RP1: variants seen among roughly 807,000 people sequenced by gnomAD.
The protein encoded by RP1 is RP1 axonemal microtubule associated.
RP1 carries 16 observed loss-of-function variants against 14.8 expected under a neutral mutation model. That is an observed-to-expected ratio of 1.08 (90% CI 0.73 to 1.65). The LOEUF is 1.65. Ranked by LOEUF, RP1 falls within the 40% of genes most tolerant of loss-of-function variation. RP1 has a pLI of 0.00. For synonymous variants in RP1, 876 were observed against 883.6 expected (o/e 0.99, Z 0.15); for missense variants, 2,631 against 2,535.0 (o/e 1.04, Z -0.81).
At chr8:54,739,359 C>T (rs1159274862) in intron 19 of RP1, among the ~76,000 whole-genome samples, 1 of 151,998 alleles carries the variant, frequency 6.6e-6, no homozygotes, top group Non-Finnish European at 1.5e-5. Context: ...GGGTTACTTC[C>T]CAATAAACCC....
chr8:54,797,334 C>A (rs1347912708), intron 24 of RP1, among the ~76,000 whole-genome samples: 2 of 152,042 alleles, frequency 1.3e-5, no homozygotes, highest in South Asian at 2.1e-4. Flanking sequence ...TGATAATAGA[C>A]GTTAAGGTAG....
At position 54,844,600 on chromosome 8, in the gene RP1, G is replaced by A. The variant is rs148645361; in HGVS notation, c.3835+6931G>A. On this transcript the variant is annotated intron_variant, in intron 25 of 28. Transcript: ENST00000637698. ...TAGACATGCTTGCCTCTGTGTGTGC[G>A]TATGTGTGTGCATGTGTAGACATGC... 5.7e-3 allele frequency among the ~76,000 whole-genome samples: 867 copies of A among 152,020 alleles called. 8 individuals carry two copies. Among genetic ancestry groups the A allele is most frequent in the African/African-American group, 0.019 (784 of 41,450 alleles).
intron 24 of RP1, among the ~76,000 whole-genome samples, chr8:54,794,925 G>GAAA (rs1173224944): frequency 2.0e-5 from 3 of 151,912 alleles, no homozygotes; most frequent in Non-Finnish European, 4.4e-5. Context: ...TTAAAAATGG[G>GAAA]AAAAGACCTG....
At chr8:54,838,660 C>CGT (rs1225165054) in intron 25 of RP1, among the ~76,000 whole-genome samples, 2 of 151,810 alleles carry the variant, frequency 1.3e-5, no homozygotes, top group East Asian at 3.9e-4. Flanking sequence ...TATGTGTATA[C>CGT]GTGTGTGTGC....
At chr8:54,769,368 C>T (rs2046717174) in intron 22 of RP1, among the ~76,000 whole-genome samples, 1 of 152,166 alleles carries the variant, frequency 6.6e-6, no homozygotes. Context: ...AGGTACCATG[C>T]TCAAAATCTG....
chr8:54,626,449 T>G lies in RP1; in HGVS notation c.2567T>G (p.Val856Gly). 6.2e-7 allele frequency: 1 copy of G among 1,613,718 alleles called. No individual in the cohort carries two copies. The highest frequency in any genetic ancestry group is 1.1e-5 in the South Asian group (1 of 91,068). Residue 856 changes from valine to glycine, a missense_variant, in exon 4 of 4, where the codon GTT becomes GGT. By Grantham distance (109) the Val-to-Gly change is moderately radical (BLOSUM62 -3). Coordinates refer to ENST00000220676, the MANE Select transcript of RP1 (RefSeq NM_006269.2). The part of the protein sequence containing the change: ...YLRGMAKKSL[V>G]SKVTDSHITL... Reference sequence around the variant, plus strand: ...AGAGGAATGGCAAAGAAGAGTTTAGTTTCAAAAGTTACTGATTCACACATA... The same window carrying G: ...AGAGGAATGGCAAAGAAGAGTTTAGGTTCAAAAGTTACTGATTCACACATA...
intron 25 of RP1, among the ~76,000 whole-genome samples, chr8:54,842,704 C>A (rs1389296739): frequency 6.6e-6 from 1 of 152,212 alleles, no homozygotes; most frequent in East Asian, 1.9e-4. Context: ...CCTTTGCTTA[C>A]AACCCTCCAA....
downstream of RP1, among the ~76,000 whole-genome samples, chr8:54,774,872 G>A (rs1021315935): frequency 2.6e-5 from 4 of 152,146 alleles, no homozygotes; most frequent in Middle Eastern, 3.2e-3. Context: ...AAGCATAGAA[G>A]GGTTTGGGGT....
chr8:54,757,689 C>A (rs1809542740), intron 21 of RP1, among the ~76,000 whole-genome samples: 1 of 152,226 alleles, frequency 6.6e-6, no homozygotes, highest in Non-Finnish European at 1.5e-5. Flanking sequence ...TATAAGCACA[C>A]TGAAACTGTT....
intron 1 of RP1, among the ~76,000 whole-genome samples, chr8:54,607,919 C>T (rs2129308463): frequency 6.6e-6 from 1 of 152,216 alleles, no homozygotes; most frequent in African/African-American, 2.4e-5. Context: ...TGGGAGTGAC[C>T]TGGTTTTCCA....
At chr8:54,701,521 T>C (rs1206250262) in exon 14 of RP1, 1 of 1,535,296 alleles carries the variant, frequency 6.5e-7, no homozygotes, top group Admixed American at 2.0e-5. Context: ...TGCGGGTGCT[T>C]TATCAGCCTA....
intron 1 of RP1, among the ~76,000 whole-genome samples, chr8:54,566,798 A>G (rs956978698): frequency 5.9e-5 from 9 of 152,232 alleles, no homozygotes; most frequent in Non-Finnish European, 1.3e-4. Context: ...AAGATATTTA[A>G]TGCTTACAGA....
At chr8:54,730,659 T>A (rs1430700544) in intron 17 of RP1, among the ~76,000 whole-genome samples, 1 of 152,124 alleles carries the variant, frequency 6.6e-6, no homozygotes, top group Non-Finnish European at 1.5e-5. Flanking sequence ...CACAGACCTT[T>A]ACCTTGATCC....
chr8:54,608,457 A>C (rs960686261), intron 1 of RP1, among the ~76,000 whole-genome samples: 1 of 152,198 alleles, frequency 6.6e-6, no homozygotes, highest in African/African-American at 2.4e-5. Flanking sequence ...GTGCCTGACT[A>C]ACCAAATGAC....
At chr8:54,821,835 C>A (rs1329166328) in intron 24 of RP1, among the ~76,000 whole-genome samples, 1 of 152,132 alleles carries the variant, frequency 6.6e-6, no homozygotes, top group Non-Finnish European at 1.5e-5. Flanking sequence ...TAAAAAGAAT[C>A]AGGGTACCTG....
chr8:54,802,962 A>C (rs1810749846), intron 24 of RP1, among the ~76,000 whole-genome samples: 1 of 151,692 alleles, frequency 6.6e-6, no homozygotes. Context: ...GTAGCTTACT[A>C]AGCTCAAGAG....
intron 23 of RP1, among the ~76,000 whole-genome samples, chr8:54,781,669 T>C (rs886637294): frequency 2.6e-5 from 4 of 152,210 alleles, no homozygotes; most frequent in Non-Finnish European, 5.9e-5. Context: ...AACTATTTTG[T>C]ATTTTAGGTA....
intron 12 of RP1, among the ~76,000 whole-genome samples, chr8:54,685,019 A>T (rs1170092744): frequency 1.3e-5 from 2 of 152,168 alleles, no homozygotes; most frequent in Admixed American, 1.3e-4. Context: ...GCATTAGGGA[A>T]AAGAGCTATG....
At chr8:54,602,792 G>A (rs1032092709) in intron 1 of RP1, among the ~76,000 whole-genome samples, 72 of 152,176 alleles carry the variant, frequency 4.7e-4, no homozygotes, top group Admixed American at 6.5e-4. Flanking sequence ...GGCCAGTGAT[G>A]ATGAGCATTT....
Sources: gnomAD v4.1 joint callset for allele counts (sites outside exome capture counted in the v4.1 genomes callset) on GRCh38, gnomAD v4.1.1 for gene constraint, MANE v1.5 for transcripts, NCBI Gene and HGNC (gene_info 2026-07-23, HGNC 2026-07-21) for gene names.